KAZN: variants seen among roughly 807,000 people sequenced by gnomAD.
KAZN encodes the protein kazrin.
In KAZN, 40 loss-of-function variants were observed where a neutral mutation model predicts 87.4. The ratio of observed to expected loss-of-function variants is 0.46; its 90% CI spans 0.36 to 0.60. The LOEUF is 0.60. Among genes scored for constraint, KAZN ranks in the 20% least tolerant of loss-of-function variants. The probability of loss-of-function intolerance (pLI) is 0.00; values close to 1 mark genes in which losing one functional copy is unlikely to be tolerated. For synonymous variants in KAZN, 466 were observed against 458.3 expected (o/e 1.02, Z -0.22); for missense variants, 898 against 1,073.9 (o/e 0.84, Z 2.29).
chr1:14,946,407 A>G (rs565186635), intron 1 of KAZN, among the ~76,000 whole-genome samples: 1 of 147,852 alleles, frequency 6.8e-6, no homozygotes, highest in East Asian at 2.0e-4. Flanking sequence ...GCACAATCTC[A>G]GCTCACTACA....
intron 2 of KAZN, among the ~76,000 whole-genome samples, chr1:15,005,150 C>T (rs1462445368): frequency 1.3e-5 from 2 of 152,156 alleles, no homozygotes; most frequent in Non-Finnish European, 2.9e-5. Context: ...CAGAGACCTG[C>T]CACGTATTTT....
chr1:14,191,791 A>G (rs1646424114), intron 2 of KAZN, among the ~76,000 whole-genome samples: 1 of 152,104 alleles, frequency 6.6e-6, no homozygotes, highest in Admixed American at 6.5e-5. Flanking sequence ...CATCCATAAG[A>G]CTGTTAGTGG....
chr1:14,106,888 A>G (rs1315174322), intron 1 of KAZN, among the ~76,000 whole-genome samples: 1 of 151,654 alleles, frequency 6.6e-6, no homozygotes, highest in East Asian at 2.0e-4. Context: ...TGCAGATTAA[A>G]TCATTTTTTA....
intron 1 of KAZN, among the ~76,000 whole-genome samples, chr1:14,854,101 C>CA (rs1236677367): frequency 2.6e-5 from 4 of 152,206 alleles, no homozygotes; most frequent in African/African-American, 9.7e-5. Context: ...GTCTCAGTTC[C>CA]ATGACAACCC....
intron 2 of KAZN, among the ~76,000 whole-genome samples, chr1:14,590,248 A>C (rs1676112551): frequency 6.6e-6 from 1 of 152,184 alleles, no homozygotes; most frequent in African/African-American, 2.4e-5. Flanking sequence ...TTTATGAGCC[A>C]AAAGAACTCA....
At chr1:14,381,800 A>G (rs375237697) in intron 2 of KAZN, among the ~76,000 whole-genome samples, 62 of 152,314 alleles carry the variant, frequency 4.1e-4, no homozygotes, top group African/African-American at 1.3e-3. Flanking sequence ...ACTGTTATTC[A>G]AAATAGTACT....
intron 1 of KAZN, among the ~76,000 whole-genome samples, chr1:14,612,181 A>T (rs1677875180): frequency 6.6e-6 from 1 of 152,214 alleles, no homozygotes; most frequent in Non-Finnish European, 1.5e-5. Context: ...TAAAGGAGCA[A>T]AAATGAGAAG....
At chr1:14,336,680 C>A (rs1381301852) in intron 2 of KAZN, among the ~76,000 whole-genome samples, 1 of 152,106 alleles carries the variant, frequency 6.6e-6, no homozygotes, top group Non-Finnish European at 1.5e-5. Context: ...CTCATTATGG[C>A]TTTGATTTGC....
chr1:14,378,464 T>C (rs1270268051), intron 2 of KAZN, among the ~76,000 whole-genome samples: 2 of 152,206 alleles, frequency 1.3e-5, no homozygotes, highest in African/African-American at 2.4e-5. Flanking sequence ...TAACTTTATA[T>C]AGCTGAAAGG....
chr1:14,934,135 G>T (rs1377001252), intron 1 of KAZN, among the ~76,000 whole-genome samples: 1 of 151,770 alleles, frequency 6.6e-6, no homozygotes, highest in Non-Finnish European at 1.5e-5. Flanking sequence ...GATTACAGGC[G>T]TGAGCCACCA....
intron 2 of KAZN, among the ~76,000 whole-genome samples, chr1:14,965,545 CACA>C (rs1477455258): frequency 6.6e-6 from 1 of 152,164 alleles, no homozygotes; most frequent in Non-Finnish European, 1.5e-5. Flanking sequence ...AGCGTGTTCC[CACA>C]ACAATAAATA....
chr1:15,070,401 G>C (rs943277799), intron 8 of KAZN, among the ~76,000 whole-genome samples: 2 of 152,142 alleles, frequency 1.3e-5, no homozygotes, highest in African/African-American at 4.8e-5. Flanking sequence ...CCTCTTCCTG[G>C]CTAAGTCAGG....
intron 1 of KAZN, among the ~76,000 whole-genome samples, chr1:14,153,454 A>G (rs1160957042): frequency 6.6e-6 from 1 of 151,948 alleles, no homozygotes; most frequent in Non-Finnish European, 1.5e-5. Flanking sequence ...TCTTTTTCTC[A>G]GTGTATGTTA....
chr1:15,107,978 C>T (rs1557804321), intron 13 of KAZN, among the ~76,000 whole-genome samples: 1 of 152,200 alleles, frequency 6.6e-6, no homozygotes, highest in Non-Finnish European at 1.5e-5. Flanking sequence ...CTGCCTTCAT[C>T]TGGAGGCAGA....
chr1:14,442,740 A>G (rs116384097), intron 2 of KAZN, among the ~76,000 whole-genome samples: 2 of 152,236 alleles, frequency 1.3e-5, no homozygotes, highest in African/African-American at 4.8e-5. Context: ...TTGTTAGGAC[A>G]CTACAAAAAT....
chr1:14,382,679 T>C (rs1387789819), intron 2 of KAZN, among the ~76,000 whole-genome samples: 3 of 147,284 alleles, frequency 2.0e-5, no homozygotes, highest in Non-Finnish European at 4.5e-5. Context: ...TAGTATTCCA[T>C]GGTGTATATG....
chr1:14,331,353 CT>C (rs1656845630), intron 2 of KAZN, among the ~76,000 whole-genome samples: 1 of 152,140 alleles, frequency 6.6e-6, no homozygotes, highest in Non-Finnish European at 1.5e-5. Flanking sequence ...GTGGAAATCT[CT>C]TTGTTAGAGC....
intron 2 of KAZN, among the ~76,000 whole-genome samples, chr1:14,359,603 C>T (rs1051302229): frequency 2.6e-5 from 4 of 152,122 alleles, no homozygotes; most frequent in African/African-American, 7.2e-5. Flanking sequence ...TTAGTGAGTC[C>T]TTCAGGAGCT....
chr1:14,037,703 CA>C (rs1641619599), intron 1 of KAZN, among the ~76,000 whole-genome samples: 1 of 152,198 alleles, frequency 6.6e-6, no homozygotes, highest in Admixed American at 6.5e-5. Flanking sequence ...AGCCTGGTCA[CA>C]AATAAGCTGC....
Sources: allele counts gnomAD v4.1 joint callset (sites outside exome capture counted in the v4.1 genomes callset), GRCh38; gene constraint gnomAD v4.1.1; transcripts MANE v1.5; gene names NCBI Gene and HGNC (gene_info 2026-07-23, HGNC 2026-07-21).